TECPR2: variants seen among roughly 807,000 people sequenced by gnomAD.
The protein encoded by TECPR2 is tectonin beta-propeller repeat-containing protein 2.
In TECPR2, 65 loss-of-function variants were observed where a neutral mutation model predicts 138.1. The observed-to-expected ratio is 0.47, with a 90% confidence interval of 0.39 to 0.58. TECPR2 has a LOEUF of 0.58. Among genes scored for constraint, TECPR2 ranks in the 20% least tolerant of loss-of-function variants. The probability of loss-of-function intolerance (pLI) is 0.00; values close to 1 mark genes in which losing one functional copy is unlikely to be tolerated. For missense variants in TECPR2, 1,553 were observed against 1,824.5 expected (o/e 0.85, Z 2.71); for synonymous variants, 746 against 749.8 (o/e 0.99, Z 0.08).
At position 102,432,105 on chromosome 14, in the gene TECPR2, G is replaced by GGAAGAAGAA. The variant is rs572609303; in HGVS notation, c.1406_1414dup (p.Lys469_Lys471dup). The GGAAGAAGAA allele has an allele frequency of 1.4e-5, 23 of 1,590,656 alleles. No individual in the cohort carries two copies. The African/African-American group carries it at 3.1e-4, about 21-fold the overall frequency. On this transcript the variant is annotated inframe_insertion, in exon 8 of 20. Coordinates refer to ENST00000359520, the MANE Select transcript of TECPR2 (RefSeq NM_014844.5). Reference sequence around the variant, plus strand: ...GTCGTGAAGCCTATCAAAGTGAAAAGGAAGAAGAAGAAGAAGAAGACAGGT... The same window carrying GGAAGAAGAA: ...GTCGTGAAGCCTATCAAAGTGAAAAGGAAGAAGAAGAAGAAGAAGAAGAAGAAGACAGGT...
chr14:102,404,126 A>C (rs1461807947), intron 2 of TECPR2, among the ~76,000 whole-genome samples: 4 of 148,860 alleles, frequency 2.7e-5, no homozygotes, highest in Non-Finnish European at 5.9e-5. Flanking sequence ...CTGGTCTTGA[A>C]CTCCTGGGCT....
Position 102,497,703 on chromosome 14 carries a change from C to A in TECPR2, c.4065C>A (p.Ser1355Arg), listed in dbSNP as rs142318405. ...ACTACTGGAAGAAAATTCCCGGCAG[C>A]GTGTCGTGTTTCACAGGCAGGTGCC... is the stretch of plus-strand genomic sequence containing the variant. ...AGDYWKKIPG[S>R]VSCFTVTASD... Residue 1355 changes from serine (S) to arginine (R), a missense_variant, in exon 19 of 20, where the codon AGC becomes AGA. Physicochemically the swap from Ser to Arg is moderately radical, Grantham distance 110 (BLOSUM62 -1). Coordinates refer to ENST00000359520, the MANE Select transcript of TECPR2 (RefSeq NM_014844.5). 6.2e-7 allele frequency: 1 copy of A among 1,606,612 alleles called. No individual in the cohort carries two copies. The highest frequency in any genetic ancestry group is 1.7e-5 in the Admixed American group (1 of 59,534).
intron 6 of TECPR2, 37 bp from the exon 7 acceptor site, chr14:102,428,213 G>A: frequency 7.1e-7 from 1 of 1,405,030 alleles, no homozygotes; most frequent in Non-Finnish European, 9.3e-7. Context: ...GTTTAGTTTT[G>A]TGTTTTTTGT....
chr14:102,451,023 A>G (rs1890126890), intron 15 of TECPR2, among the ~76,000 whole-genome samples: 1 of 152,124 alleles, frequency 6.6e-6, no homozygotes, highest in African/African-American at 2.4e-5. Context: ...CCTCCCAGCA[A>G]CTTCCTTCCG....
chr14:102,417,261 C>T (rs1251007610), intron 5 of TECPR2, among the ~76,000 whole-genome samples: 1 of 152,204 alleles, frequency 6.6e-6, no homozygotes, highest in Non-Finnish European at 1.5e-5. Flanking sequence ...GTCTTAAAGA[C>T]TTGCTTTCTG....
At chr14:102,491,604 C>T (rs2139797498) in intron 17 of TECPR2, among the ~76,000 whole-genome samples, 1 of 152,344 alleles carries the variant, frequency 6.6e-6, no homozygotes, top group Admixed American at 6.5e-5. Flanking sequence ...GCCATCAGCC[C>T]TAGCAGCCAC....
chr14:102,463,104 T>A lies in TECPR2; in HGVS notation c.3641-2037T>A, dbSNP rs114427669. Among the ~76,000 whole-genome samples, 519 of 152,180 alleles carry A rather than the reference T, an allele frequency of 3.4e-3. 5 individuals are homozygous for A. The highest frequency in any genetic ancestry group is 0.012 in the African/African-American group (488 of 41,522). On this transcript the variant is annotated intron_variant, in intron 16 of 19. Transcript: ENST00000359520. Reference sequence around the variant, plus strand: ...GTGGGTGTGGAGCACAGGATCTCCATTGGGGAAACTGGCGGTTTCTTTAAA... The same window carrying A: ...GTGGGTGTGGAGCACAGGATCTCCAATGGGGAAACTGGCGGTTTCTTTAAA...
chr14:102,367,498 A>G (rs1394691466), intron 1 of TECPR2, among the ~76,000 whole-genome samples: 1 of 152,186 alleles, frequency 6.6e-6, no homozygotes, highest in Non-Finnish European at 1.5e-5. Context: ...ACATGGAATC[A>G]TATAATATAT....
chr14:102,405,770 C>G (rs994553673), intron 2 of TECPR2, among the ~76,000 whole-genome samples: 5 of 152,160 alleles, frequency 3.3e-5, no homozygotes, highest in African/African-American at 1.2e-4. Flanking sequence ...AATGGGGAAG[C>G]AATCCATGTG....
rs569093941 is a variant in TECPR2 at position 102,470,443 on chromosome 14, G to T, written c.3789+5154G>T. 3.3e-5 allele frequency among the ~76,000 whole-genome samples: 5 copies of T among 151,858 alleles called. No homozygotes were observed. The East Asian group carries it at 9.7e-4, about 30-fold the overall frequency. On this transcript the variant is annotated intron_variant, in intron 17 of 19. Coordinates refer to ENST00000359520, the MANE Select transcript of TECPR2 (RefSeq NM_014844.5). ...CTGCCTTGGCCTCCCTAGTAGCTGG[G>T]ACTACAGGCATGTACCACCACACGC...
intron 2 of TECPR2, among the ~76,000 whole-genome samples, chr14:102,397,998 G>T (rs144765183): frequency 6.6e-6 from 1 of 150,420 alleles, no homozygotes; most frequent in African/African-American, 2.4e-5. Flanking sequence ...ACTTGTACCC[G>T]GGAGATGGAG....
At chr14:102,417,966 G>A (rs919838350) in intron 5 of TECPR2, among the ~76,000 whole-genome samples, 1 of 152,124 alleles carries the variant, frequency 6.6e-6, no homozygotes, top group Non-Finnish European at 1.5e-5. Flanking sequence ...CAGGGAGGCT[G>A]CCTTGGGAGT....
chr14:102,485,556 C>T (rs943988269), intron 17 of TECPR2, among the ~76,000 whole-genome samples: 5 of 152,102 alleles, frequency 3.3e-5, no homozygotes, highest in Admixed American at 2.0e-4. Context: ...AGGGTTCTAA[C>T]GGGGTGCCCT....
chr14:102,470,744 A>G (rs920185360), intron 17 of TECPR2, among the ~76,000 whole-genome samples: 4 of 149,774 alleles, frequency 2.7e-5, no homozygotes, highest in African/African-American at 9.8e-5. Flanking sequence ...GGTTCAAGCA[A>G]TTCTCCTGCC....
At chr14:102,435,883 A>G (rs753130899) in intron 9 of TECPR2, among the ~76,000 whole-genome samples, 2 of 152,194 alleles carry the variant, frequency 1.3e-5, no homozygotes, top group African/African-American at 4.8e-5. Context: ...AATTATTACT[A>G]GATATATTTG....
intron 2 of TECPR2, among the ~76,000 whole-genome samples, chr14:102,403,001 A>G (rs893025591): frequency 6.6e-6 from 1 of 152,190 alleles, no homozygotes; most frequent in African/African-American, 2.4e-5. Context: ...AATTTTTCCA[A>G]ACAGTTGAAG....
chr14:102,498,051 A>AAGCTCCCAGCTCCATCTGTGCCCG, intron 19 of TECPR2, 52 bp from the exon 20 acceptor site: 1 of 1,585,276 alleles, frequency 6.3e-7, no homozygotes, highest in Non-Finnish European at 8.6e-7. Context: ...ATCTGTGCCC[A>AAGCTCCCAGCTCCATCTGTGCCCG]CCCCACAGGC....
chr14:102,438,230 C>G lies in TECPR2; in HGVS notation c.2578+25C>G, dbSNP rs749578922. 7.6e-6 allele frequency: 12 copies of G among 1,584,300 alleles called. No individual in the cohort carries two copies. In the East Asian group the frequency reaches 2.0e-4, roughly 27 times the overall value. Reference sequence around the variant, plus strand: ...GGTTCGCCTCCCCGCTCCCTGCTCCCGCTCCCTGCTCCCGCTCGCCGCTCC... The same window carrying G: ...GGTTCGCCTCCCCGCTCCCTGCTCCGGCTCCCTGCTCCCGCTCGCCGCTCC... On this transcript the variant is annotated intron_variant, in intron 10 of 19. Transcript: ENST00000359520.
At chr14:102,425,809 C>T (rs894246030) in intron 6 of TECPR2, among the ~76,000 whole-genome samples, 5 of 147,774 alleles carry the variant, frequency 3.4e-5, no homozygotes, top group African/African-American at 1.0e-4. Context: ...CTCCTGACCT[C>T]GTGATCTGCC....
Sources: allele counts gnomAD v4.1 joint callset (sites outside exome capture counted in the v4.1 genomes callset), GRCh38; gene constraint gnomAD v4.1.1; transcripts MANE v1.5; gene names NCBI Gene and HGNC (gene_info 2026-07-23, HGNC 2026-07-21).